MMP26: variants seen among roughly 807,000 people sequenced by gnomAD.
MMP26 encodes matrix metallopeptidase 26.
In MMP26, 33 loss-of-function variants were observed where a neutral mutation model predicts 31.0. The observed-to-expected ratio is 1.06, with a 90% CI of 0.81 to 1.42. The LOEUF is 1.42. MMP26 is among the 40% of genes most tolerant of loss of function. The probability of loss-of-function intolerance (pLI) is 0.00; values close to 1 mark genes in which losing one functional copy is unlikely to be tolerated. For synonymous variants in MMP26, 122 were observed against 114.9 expected (o/e 1.06, Z -0.40); for missense variants, 347 against 316.1 (o/e 1.10, Z -0.74).
At chr11:4,926,438 G>T (rs1413729582) in intron 2 of MMP26, among the ~76,000 whole-genome samples, 2 of 152,080 alleles carry the variant, frequency 1.3e-5, no homozygotes, top group Non-Finnish European at 2.9e-5. Flanking sequence ...ATAAGAAATA[G>T]CAATAAAGAA....
Position 4,787,917 on chromosome 11 carries a change from A to G in MMP26, c.-145+20576A>G, listed in dbSNP as rs138712785. Reference sequence around the variant, plus strand: ...CCACAGTTCTTTGAAATGGATAACCATAATTTCAATTTATGAATTAAGAAA... The same window carrying G: ...CCACAGTTCTTTGAAATGGATAACCGTAATTTCAATTTATGAATTAAGAAA... On this transcript the variant is annotated intron_variant, in intron 2 of 7. Transcript: ENST00000380390. Among the ~76,000 whole-genome samples, 31 of 152,360 alleles carry G rather than the reference A, an allele frequency of 2.0e-4. No individual in the cohort carries two copies. The East Asian group carries it at 4.6e-3, about 23-fold the overall frequency.
chr11:4,933,219 A>G (rs992193527), intron 2 of MMP26, among the ~76,000 whole-genome samples: 23 of 152,020 alleles, frequency 1.5e-4, no homozygotes, highest in Admixed American at 9.9e-4. Flanking sequence ...GTGACTCTAT[A>G]TATGTTATCT....
intron 2 of MMP26, among the ~76,000 whole-genome samples, chr11:4,866,188 G>T (rs1850231749): frequency 6.6e-6 from 1 of 152,064 alleles, no homozygotes; most frequent in Non-Finnish European, 1.5e-5. Flanking sequence ...AGTAATCAGT[G>T]GTTATACTTA....
At chr11:4,803,643 G>A (rs754654152) in intron 2 of MMP26, 1 of 1,613,936 alleles carries the variant, frequency 6.2e-7, no homozygotes, top group Admixed American at 1.7e-5. Flanking sequence ...CACAGATATG[G>A]GAGGAACGTG....
chr11:4,980,779 GAAGT>G (rs34370811), intron 2 of MMP26, among the ~76,000 whole-genome samples: 15,526 of 151,894 alleles, frequency 0.1, 1,527 homozygotes, highest in East Asian at 0.3. Flanking sequence ...TTCATTGAAG[GAAGT>G]ATTTGTGGAC....
chr11:4,985,313 C>T (rs1160767155), intron 2 of MMP26, among the ~76,000 whole-genome samples: 2 of 152,078 alleles, frequency 1.3e-5, no homozygotes, highest in Non-Finnish European at 2.9e-5. Flanking sequence ...AGTGAACAAA[C>T]TCATAATTTA....
intron 2 of MMP26, among the ~76,000 whole-genome samples, chr11:4,953,943 T>C (rs537810784): frequency 8.0e-6 from 1 of 124,956 alleles, no homozygotes; most frequent in South Asian, 2.4e-4. Context: ...TCCTAGATAC[T>C]CGGGAGGCTG....
chr11:4,733,013 G>A (rs1203860545), intron 1 of MMP26, among the ~76,000 whole-genome samples: 3 of 152,194 alleles, frequency 2.0e-5, no homozygotes. Context: ...TGAGGGATAT[G>A]TCTATCCTAT....
intron 2 of MMP26, among the ~76,000 whole-genome samples, chr11:4,851,764 G>A (rs1233279808): frequency 6.6e-6 from 1 of 151,798 alleles, no homozygotes; most frequent in Non-Finnish European, 1.5e-5. Flanking sequence ...AAATTATATA[G>A]TAATGTGCAT....
At chr11:4,992,160 G>A (rs1477200654) in intron 7 of MMP26, 35 bp downstream of exon 7, 1 of 1,606,838 alleles carries the variant, frequency 6.2e-7, no homozygotes, top group Non-Finnish European at 8.5e-7. Flanking sequence ...GGGAGATCTG[G>A]GCAGGAAAAT....
chr11:4,735,648 A>G (rs963356202), intron 1 of MMP26, among the ~76,000 whole-genome samples: 1 of 152,162 alleles, frequency 6.6e-6, no homozygotes, highest in Non-Finnish European at 1.5e-5. Flanking sequence ...ATAACAATAT[A>G]TTGTTTGTTT....
At chr11:4,979,673 C>T (rs1846786561) in intron 2 of MMP26, among the ~76,000 whole-genome samples, 1 of 152,070 alleles carries the variant, frequency 6.6e-6, no homozygotes, top group Admixed American at 6.6e-5. Context: ...TAACTTATCT[C>T]CTTTTAATGC....
At chr11:4,710,564 G>C in intron 1 of MMP26, 1 of 380,292 alleles carries the variant, frequency 2.6e-6, no homozygotes, top group South Asian at 1.9e-5. Context: ...ACCCATGTTT[G>C]ATCATTCAGT....
At chr11:4,798,421 C>T (rs1849137045) in intron 2 of MMP26, among the ~76,000 whole-genome samples, 1 of 152,222 alleles carries the variant, frequency 6.6e-6, no homozygotes, top group African/African-American at 2.4e-5. Context: ...AGGTCTAGAC[C>T]ACGGGTCTAC....
At chr11:4,952,367 C>T (rs10837019) in intron 2 of MMP26, among the ~76,000 whole-genome samples, 42,550 of 122,554 alleles carry the variant, frequency 0.35, 14,728 homozygotes, top group South Asian at 0.54. Context: ...CCTATCCTCA[C>T]CCTGAGAGAA....
At chr11:4,991,305 T>C in intron 5 of MMP26, 66 bp from the exon 6 acceptor site, 2 of 1,552,700 alleles carry the variant, frequency 1.3e-6, no homozygotes, top group Non-Finnish European at 1.7e-6. Flanking sequence ...GAGGCTTACT[T>C]AAGACTATTC....
At chr11:4,773,330 C>A (rs912527260) in intron 2 of MMP26, among the ~76,000 whole-genome samples, 10 of 152,054 alleles carry the variant, frequency 6.6e-5, no homozygotes, top group African/African-American at 2.2e-4. Context: ...TTTGGCAAAC[C>A]TATGTGGCAA....
chr11:4,911,409 T>C (rs924159517), intron 2 of MMP26, among the ~76,000 whole-genome samples: 1 of 152,160 alleles, frequency 6.6e-6, no homozygotes, highest in African/African-American at 2.4e-5. Context: ...GAAATGTGTC[T>C]TGTTCATCAA....
intron 1 of MMP26, among the ~76,000 whole-genome samples, chr11:4,762,197 A>G (rs1195841353): frequency 6.6e-6 from 1 of 152,148 alleles, no homozygotes; most frequent in East Asian, 1.9e-4. Context: ...TAATTTATTC[A>G]CCTCTCTTGA....
Sources: allele counts gnomAD v4.1 joint callset (sites outside exome capture counted in the v4.1 genomes callset), GRCh38; gene constraint gnomAD v4.1.1; transcripts MANE v1.5; gene names NCBI Gene and HGNC (gene_info 2026-07-23, HGNC 2026-07-21).